RGL1: variants seen among roughly 807,000 people sequenced by gnomAD.
RGL1 encodes the protein ral guanine nucleotide dissociation stimulator like 1.
A neutral mutation model predicts 95.2 loss-of-function variants in RGL1; 24 were observed. The ratio of observed to expected loss-of-function variants is 0.25; its 90% confidence interval spans 0.18 to 0.35. The LOEUF is 0.35. RGL1 is among the 10% of genes least tolerant of loss of function. The pLI is 1.00. For missense variants in RGL1, 715 were observed against 936.3 expected, an observed-to-expected ratio of 0.76 and a Z score of 3.08; for synonymous variants, 329 against 344.9, an observed-to-expected ratio of 0.95 and a Z score of 0.51.
chr1:183,706,336 A>G (rs1169423221), intron 1 of RGL1, among the ~76,000 whole-genome samples: 1 of 152,140 alleles, frequency 6.6e-6, no homozygotes, highest in East Asian at 1.9e-4. Flanking sequence ...GTCCTGAAAA[A>G]TTAGGTAAAG....
chr1:183,838,844 A>G (rs1378853583), intron 2 of RGL1, among the ~76,000 whole-genome samples: 2 of 152,220 alleles, frequency 1.3e-5, no homozygotes, highest in Non-Finnish European at 2.9e-5. Flanking sequence ...CATGGCGTAA[A>G]TAGTGTCACC....
intron 2 of RGL1, among the ~76,000 whole-genome samples, chr1:183,785,088 T>C (rs1468147412): frequency 6.6e-6 from 1 of 152,208 alleles, no homozygotes; most frequent in African/African-American, 2.4e-5. Flanking sequence ...CCTTTCTCCA[T>C]ATTGCGGTTA....
intron 1 of RGL1, among the ~76,000 whole-genome samples, chr1:183,645,635 G>A (rs926372986): frequency 3.9e-5 from 6 of 152,202 alleles, no homozygotes; most frequent in Admixed American, 2.0e-4. Context: ...GAATCACTGC[G>A]TAGTGAGCAA....
At chr1:183,658,731 G>T (rs527361070) in intron 1 of RGL1, among the ~76,000 whole-genome samples, 32 of 152,268 alleles carry the variant, frequency 2.1e-4, no homozygotes, top group Non-Finnish European at 3.2e-4. Context: ...CACAGCTGGA[G>T]ATCTGAGAAC....
At chr1:183,860,579 T>C (rs1665452132) in intron 3 of RGL1, among the ~76,000 whole-genome samples, 2 of 152,192 alleles carry the variant, frequency 1.3e-5, no homozygotes, top group South Asian at 4.1e-4. Flanking sequence ...TCCCTGGAGA[T>C]CTGCAGGGCC....
At chr1:183,680,149 T>G (rs1192887702) in intron 1 of RGL1, among the ~76,000 whole-genome samples, 1 of 152,220 alleles carries the variant, frequency 6.6e-6, no homozygotes, top group South Asian at 2.1e-4. Flanking sequence ...GCAAAAATTT[T>G]CTCCCATTCT....
At chr1:183,861,807 A>G (rs186000077) in intron 3 of RGL1, among the ~76,000 whole-genome samples, 35 of 152,346 alleles carry the variant, frequency 2.3e-4, no homozygotes, top group Admixed American at 3.9e-4. Context: ...TTCTATGGCC[A>G]TTAATTAAAC....
At chr1:183,900,012 A>G in intron 10 of RGL1, 138 bp from the exon 11 acceptor site, 1 of 574,790 alleles carries the variant, frequency 1.7e-6, no homozygotes, top group Non-Finnish European at 3.2e-6. Flanking sequence ...GAAATTTAAA[A>G]AATGTTATTC....
chr1:183,878,395 G>A lies in RGL1; in HGVS notation c.426-2221G>A, dbSNP rs547178858. 1.1e-4 allele frequency among the ~76,000 whole-genome samples: 17 copies of A among 151,498 alleles called. No individual in the cohort carries two copies. The South Asian group carries it at 2.7e-3, about 24-fold the overall frequency. On this transcript the variant is annotated intron_variant, in intron 4 of 17. Coordinates refer to ENST00000360851, the MANE Select transcript of RGL1 (RefSeq NM_001297671.3). Reference sequence around the variant, plus strand: ...GTATTTTTTGTAGAGATGGGGTTTCGCCACGTTGCCCTAGCTGGTCTCGAA... The same window carrying A: ...GTATTTTTTGTAGAGATGGGGTTTCACCACGTTGCCCTAGCTGGTCTCGAA...
At chr1:183,760,449 A>G (rs1658593729) in intron 2 of RGL1, among the ~76,000 whole-genome samples, 1 of 151,946 alleles carries the variant, frequency 6.6e-6, no homozygotes, top group African/African-American at 2.4e-5. Context: ...AACCAAAGTC[A>G]GGCTGAGCAT....
chr1:183,802,493 A>G (rs1266898234), upstream of RGL1, among the ~76,000 whole-genome samples: 4 of 150,958 alleles, frequency 2.6e-5, no homozygotes, highest in Non-Finnish European at 5.9e-5. Flanking sequence ...GGGATTTCGG[A>G]AGGGATTGCA....
intron 4 of RGL1, among the ~76,000 whole-genome samples, chr1:183,874,128 C>A (rs892980331): frequency 6.6e-5 from 10 of 152,106 alleles, no homozygotes; most frequent in African/African-American, 2.4e-4. Context: ...TAGGAATGGT[C>A]CCTGTGTTAA....
At chr1:183,856,091 G>T (rs1665123571) in intron 3 of RGL1, among the ~76,000 whole-genome samples, 1 of 152,088 alleles carries the variant, frequency 6.6e-6, no homozygotes, top group African/African-American at 2.4e-5. Flanking sequence ...TCTTAACATT[G>T]CTTTGCTTCC....
chr1:183,890,230 T>C (rs1015818656), intron 8 of RGL1, among the ~76,000 whole-genome samples: 3 of 152,156 alleles, frequency 2.0e-5, no homozygotes, highest in Non-Finnish European at 4.4e-5. Context: ...ATCCTTTCTT[T>C]GATGGTTGAA....
intron 6 of RGL1, 49 bp downstream of exon 6, chr1:183,883,959 G>A: frequency 6.3e-7 from 1 of 1,598,872 alleles, no homozygotes; most frequent in South Asian, 1.1e-5. Context: ...AAACATAGGG[G>A]AGTGATGGCA....
Position 183,848,475 on chromosome 1 carries a change from C to T in RGL1, c.347+701C>T, listed in dbSNP as rs142485056. On this transcript the variant is annotated intron_variant, in intron 3 of 17. Coordinates refer to ENST00000360851, the MANE Select transcript of RGL1 (RefSeq NM_001297671.3). The stretch of plus-strand genomic sequence containing the variant: ...GTCAGCCAAACAATTGTTTTAGAAT[C>T]AGGAGAATCCTCATCTAAATCCTTA... Among the ~76,000 whole-genome samples, 958 of 152,284 alleles carry T rather than the reference C, an allele frequency of 6.3e-3. 8 individuals are homozygous for T. Among genetic ancestry groups the T allele is most frequent in the African/African-American group, 0.022 (915 of 41,552 alleles).
intron 2 of RGL1, among the ~76,000 whole-genome samples, chr1:183,837,290 C>G (rs1452444914): frequency 6.6e-6 from 1 of 152,174 alleles, no homozygotes; most frequent in African/African-American, 2.4e-5. Flanking sequence ...TTAGGTCACA[C>G]AGAAGCTCAC....
chr1:183,636,383 G>GTA, exon 1 of RGL1: 1 of 390,904 alleles, frequency 2.6e-6, no homozygotes, highest in East Asian at 3.6e-5. Flanking sequence ...CCGTTTCCTG[G>GTA]GATTGGAACT....
At chr1:183,757,021 G>GTT (rs11344065) in intron 2 of RGL1, among the ~76,000 whole-genome samples, 1 of 77,224 alleles carries the variant, frequency 1.3e-5, no homozygotes, top group Admixed American at 1.3e-4. Context: ...TGGTTTGTTT[G>GTT]TTTTTTTTTT....
Sources: allele counts gnomAD v4.1 joint callset (sites outside exome capture counted in the v4.1 genomes callset), GRCh38; gene constraint gnomAD v4.1.1; transcripts MANE v1.5; gene names NCBI Gene and HGNC (gene_info 2026-07-23, HGNC 2026-07-21).